Variants in TBL1X observed in about 807,000 individuals in gnomAD.
TBL1X encodes the protein transducin beta like 1 X-linked.
Under a neutral mutation model 50.7 loss-of-function variants are expected in TBL1X, and 10 were observed. That is an observed-to-expected ratio of 0.20 (90% CI 0.12 to 0.33). The LOEUF (loss-of-function observed/expected upper bound fraction) is 0.33, where lower values mean the gene tolerates loss of function less well. Among genes scored for constraint, TBL1X ranks in the 10% least tolerant of loss-of-function variants. The pLI is 1.00. For synonymous variants in TBL1X, 190 were observed against 214.7 expected, an observed-to-expected ratio of 0.88 and a Z score of 1.01; for missense variants, 340 against 504.4, an observed-to-expected ratio of 0.67 and a Z score of 3.12.
At chrX:9,569,626 A>G (rs898361446) in intron 2 of TBL1X, among the ~76,000 whole-genome samples, 3 of 111,860 alleles carry the variant, frequency 2.7e-5, no homozygotes, top group African/African-American at 9.8e-5. Context: ...TGATCGCGCC[A>G]CTGCACTCCA....
chrX:9,561,956 T>A (rs1216011383), intron 2 of TBL1X, among the ~76,000 whole-genome samples: 1 of 112,157 alleles, frequency 8.9e-6, no homozygotes, highest in African/African-American at 3.2e-5. Context: ...ACCAGGACCA[T>A]ATGATGTTCA....
intron 1 of TBL1X, among the ~76,000 whole-genome samples, chrX:9,483,776 C>T (rs2081896092): frequency 2.2e-5 from 2 of 92,845 alleles, no homozygotes; most frequent in South Asian, 1.2e-3. Flanking sequence ...TTGTGGAGTT[C>T]TCCCTTCCTT....
chrX:9,627,138 G>T (rs1254339043), intron 2 of TBL1X, among the ~76,000 whole-genome samples: 1 of 111,631 alleles, frequency 9.0e-6, no homozygotes, highest in Non-Finnish European at 1.9e-5. Flanking sequence ...AGTAATTAGG[G>T]TATCTGGGAA....
chrX:9,551,502 G>A (rs768484971), intron 2 of TBL1X, among the ~76,000 whole-genome samples: 24 of 111,246 alleles, frequency 2.2e-4, no homozygotes, highest in Non-Finnish European at 3.0e-4. Flanking sequence ...CCAATTTTTA[G>A]TGCAGCGTAT....
chrX:9,548,447 A>T (rs768119492), intron 2 of TBL1X, among the ~76,000 whole-genome samples: 2 of 111,849 alleles, frequency 1.8e-5, no homozygotes, highest in Non-Finnish European at 3.8e-5. Context: ...TTAAAGGCCT[A>T]ATGCTAAGTC....
intron 5 of TBL1X, among the ~76,000 whole-genome samples, chrX:9,683,716 C>T (rs1041722097): frequency 6.3e-5 from 7 of 111,419 alleles, no homozygotes; most frequent in African/African-American, 2.0e-4. Flanking sequence ...ATTTGAGTAA[C>T]AGAAATGTCC....
chrX:9,701,394 T>C (rs2083170537), intron 12 of TBL1X, among the ~76,000 whole-genome samples: 1 of 108,941 alleles, frequency 9.2e-6, no homozygotes, highest in Admixed American at 9.9e-5. Context: ...CCCACATGGT[T>C]CCAAGCATTG....
At chrX:9,629,069 T>A (rs752632841) in intron 2 of TBL1X, among the ~76,000 whole-genome samples, 15 of 112,429 alleles carry the variant, frequency 1.3e-4, no homozygotes, top group Non-Finnish European at 2.4e-4. Flanking sequence ...AATACGGATC[T>A]TCTTCTTCTG....
rs140722572 is a variant in TBL1X, at chrX:9,519,987, G to A, written c.-131+18138G>A. Among the ~76,000 whole-genome samples, 425 of 112,408 alleles carry A rather than the reference G, an allele frequency of 3.8e-3. 2 individuals carry two copies. The highest frequency in any genetic ancestry group is 0.013 in the African/African-American group (406 of 30,961). ...GGCATGTGGCCCTTTGATCTCCTTGGCCTGGAGTATTTCTTGGTAGGAGCA... is the reference window on the plus strand; with the variant it reads ...GGCATGTGGCCCTTTGATCTCCTTGACCTGGAGTATTTCTTGGTAGGAGCA... On this transcript the variant is annotated intron_variant, in intron 2 of 17. Coordinates refer to ENST00000645353, the MANE Select transcript of TBL1X (RefSeq NM_005647.4).
chrX:9,575,523 CCT>C (rs765412915), intron 2 of TBL1X, among the ~76,000 whole-genome samples: 11 of 111,992 alleles, frequency 9.8e-5, no homozygotes, highest in African/African-American at 3.2e-4. Context: ...CATGTTGTCC[CCT>C]GTGTCGGTGC....
intron 2 of TBL1X, among the ~76,000 whole-genome samples, chrX:9,545,240 T>C (rs2082236563): frequency 9.1e-6 from 1 of 110,117 alleles, no homozygotes; most frequent in Non-Finnish European, 1.9e-5. Flanking sequence ...ATTTTTATGG[T>C]TTGAAAATTT....
chrX:9,551,550 T>A (rs144058477), intron 2 of TBL1X, among the ~76,000 whole-genome samples: 1,195 of 111,271 alleles, frequency 0.011, 21 homozygotes, highest in African/African-American at 0.037. Context: ...AAATGGCTTA[T>A]GTTGCAAGGT....
Position 9,688,144 on chromosome X carries a change from C to T in TBL1X, c.485C>T (p.Ala162Val), listed in dbSNP as rs752885924. Reference sequence around the variant, plus strand: ...CTCGCTCAGCAGCAAGCCAGTGCGGCGGCGGCGGCGGCTGCGGCCACGGCA... The same window carrying T: ...CTCGCTCAGCAGCAAGCCAGTGCGGTGGCGGCGGCGGCTGCGGCCACGGCA... ...EKLAQQQASAAAAAAAATAAA... is the reference protein window; with the variant it reads ...EKLAQQQASAVAAAAAATAAA... Residue 162 changes from alanine (A) to valine (V), a missense_variant, in exon 7 of 18, where the codon GCG becomes GTG. Physicochemically the swap from Ala to Val is moderately conservative, Grantham distance 64 (BLOSUM62 0). Transcript: ENST00000645353. The T allele has an allele frequency of 8.4e-6, 10 of 1,197,340 alleles. No individual in the cohort carries two copies. The highest frequency in any genetic ancestry group is 5.4e-5 in the South Asian group (3 of 55,368).
At chrX:9,558,541 AAT>A (rs1371205310) in intron 2 of TBL1X, among the ~76,000 whole-genome samples, 2 of 107,036 alleles carry the variant, frequency 1.9e-5, no homozygotes, top group South Asian at 4.0e-4. Context: ...AGGAAAAAAA[AAT>A]ATATATATAT....
intron 2 of TBL1X, among the ~76,000 whole-genome samples, chrX:9,504,230 C>T (rs2082015225): frequency 8.9e-6 from 1 of 111,754 alleles, no homozygotes. Context: ...GAAAAACAAG[C>T]AGAAAGTGAC....
chrX:9,527,568 C>G (rs780368748), intron 2 of TBL1X, among the ~76,000 whole-genome samples: 3 of 111,695 alleles, frequency 2.7e-5, no homozygotes, highest in Admixed American at 9.5e-5. Flanking sequence ...CTTTCTTGCT[C>G]CACCCCATAT....
At chrX:9,547,110 G>A (rs1459468440) in intron 2 of TBL1X, among the ~76,000 whole-genome samples, 4 of 110,304 alleles carry the variant, frequency 3.6e-5, no homozygotes, top group African/African-American at 1.3e-4. Flanking sequence ...GGGCCACCGC[G>A]CCCGGCCTTA....
chrX:9,549,194 C>G (rs1479463449), intron 2 of TBL1X, among the ~76,000 whole-genome samples: 1 of 112,231 alleles, frequency 8.9e-6, no homozygotes, highest in Non-Finnish European at 1.9e-5. Context: ...GCCAGTCTCC[C>G]CAGGCCTGGA....
chrX:9,516,153 G>C lies in TBL1X; in HGVS notation c.-131+14304G>C, dbSNP rs1284586750. 5.4e-5 allele frequency among the ~76,000 whole-genome samples: 6 copies of C among 111,297 alleles called. No homozygotes were observed. The East Asian group carries it at 1.4e-3, about 26-fold the overall frequency. ...GGAGATAGCAGTTTCAGATTCACTG[G>C]TTCCAGAAAATGTGTCCCTGCCTGT... On this transcript the variant is annotated intron_variant, in intron 2 of 17. Coordinates refer to ENST00000645353, the MANE Select transcript of TBL1X (RefSeq NM_005647.4).
Sources: gnomAD v4.1 joint callset for allele counts (sites outside exome capture counted in the v4.1 genomes callset) on GRCh38, gnomAD v4.1.1 for gene constraint, MANE v1.5 for transcripts, NCBI Gene and HGNC (gene_info 2026-07-23, HGNC 2026-07-21) for gene names.